Variants in TENM4 observed in about 807,000 individuals in gnomAD.
TENM4 encodes the protein teneurin-4.
Under a neutral mutation model 243.3 loss-of-function variants are expected in TENM4, and 82 were observed. That is an observed-to-expected ratio of 0.34 (90% CI 0.28 to 0.40). TENM4 has a LOEUF of 0.40. TENM4 is among the 10% of genes least tolerant of loss of function. TENM4 has a pLI of 1.00. For missense variants in TENM4, 3,138 were observed against 3,673.3 expected, an observed-to-expected ratio of 0.85 and a Z score of 3.77; for synonymous variants, 1,412 against 1,456.3, an observed-to-expected ratio of 0.97 and a Z score of 0.69.
At chr11:79,289,965 CTTTTTT>C (rs57943178) in intron 2 of TENM4, among the ~76,000 whole-genome samples, 8 of 150,320 alleles carry the variant, frequency 5.3e-5, no homozygotes, top group African/African-American at 2.0e-4. Flanking sequence ...TTTTCTTTTT[CTTTTTT>C]TTTAAGTAGA....
chr11:79,386,749 ATTT>A, intron 1 of TENM4, among the ~76,000 whole-genome samples: 1 of 109,956 alleles, frequency 9.1e-6, no homozygotes, highest in African/African-American at 3.1e-5. Context: ...CGTTGAGTTC[ATTT>A]TTTTTTTTTT....
intron 1 of TENM4, among the ~76,000 whole-genome samples, chr11:79,426,614 A>G (rs941580328): frequency 7.9e-5 from 12 of 152,244 alleles, no homozygotes; most frequent in Non-Finnish European, 1.3e-4. Flanking sequence ...TTATGGCTGG[A>G]AAGCAGAGCC....
chr11:79,336,000 A>T (rs1462188284), intron 1 of TENM4, among the ~76,000 whole-genome samples: 1 of 152,146 alleles, frequency 6.6e-6, no homozygotes, highest in African/African-American at 2.4e-5. Context: ...AAGCTCCCTG[A>T]GCAGTGTGCT....
intron 4 of TENM4, among the ~76,000 whole-genome samples, chr11:79,104,962 G>C (rs1359995277): frequency 6.6e-6 from 1 of 152,130 alleles, no homozygotes; most frequent in Non-Finnish European, 1.5e-5. Context: ...AGCCATTAGA[G>C]GTTTTAGTCA....
intron 1 of TENM4, among the ~76,000 whole-genome samples, chr11:79,408,393 A>G (rs1262142884): frequency 6.6e-6 from 1 of 152,228 alleles, no homozygotes; most frequent in Non-Finnish European, 1.5e-5. Context: ...GGGCTTTAGA[A>G]TTAGACAGAC....
chr11:78,782,788 G>A (rs1487905633), intron 16 of TENM4, among the ~76,000 whole-genome samples: 1 of 146,788 alleles, frequency 6.8e-6, no homozygotes, highest in East Asian at 2.0e-4. Context: ...AAAAAAAACT[G>A]GACAAAGCAC....
chr11:78,738,781 A>G (rs368681524), intron 19 of TENM4, among the ~76,000 whole-genome samples: 1 of 152,176 alleles, frequency 6.6e-6, no homozygotes, highest in African/African-American at 2.4e-5. Flanking sequence ...GAGAATTACT[A>G]TTGGCAGGTG....
chr11:79,417,458 T>G (rs1156229261), intron 1 of TENM4, among the ~76,000 whole-genome samples: 1 of 152,156 alleles, frequency 6.6e-6, no homozygotes, highest in South Asian at 2.1e-4. Context: ...ACAAGAGTGG[T>G]TGGTAAACAT....
At chr11:78,949,059 A>G (rs1857064482) in intron 6 of TENM4, among the ~76,000 whole-genome samples, 1 of 152,138 alleles carries the variant, frequency 6.6e-6, no homozygotes, top group South Asian at 2.1e-4. Context: ...TTCCCTTTGT[A>G]ATTAGTAAGT....
intron 4 of TENM4, among the ~76,000 whole-genome samples, chr11:79,111,273 C>T (rs566794550): frequency 9.5e-4 from 145 of 152,272 alleles, no homozygotes; most frequent in African/African-American, 3.4e-3. Flanking sequence ...TGGCCAGGCG[C>T]CGTGGCTCAC....
At chr11:78,739,711 G>A (rs1190966867) in intron 19 of TENM4, among the ~76,000 whole-genome samples, 3 of 152,132 alleles carry the variant, frequency 2.0e-5, no homozygotes, top group Non-Finnish European at 4.4e-5. Flanking sequence ...AAAGATCTAC[G>A]CTGGATGAAG....
At chr11:78,793,215 C>A (rs544686277) in intron 15 of TENM4, among the ~76,000 whole-genome samples, 1 of 152,130 alleles carries the variant, frequency 6.6e-6, no homozygotes, top group Non-Finnish European at 1.5e-5. Flanking sequence ...AATTTTCCCA[C>A]AAAATTTCTT....
At chr11:79,268,377 C>T (rs574356749) in intron 2 of TENM4, among the ~76,000 whole-genome samples, 1 of 152,148 alleles carries the variant, frequency 6.6e-6, no homozygotes, top group Non-Finnish European at 1.5e-5. Context: ...AGTTAACTGA[C>T]CCAAGTATAA....
chr11:78,829,012 G>A (rs1311086949), intron 12 of TENM4, among the ~76,000 whole-genome samples: 2 of 152,230 alleles, frequency 1.3e-5, no homozygotes, highest in African/African-American at 2.4e-5. Context: ...TGGGAGGTTT[G>A]GAAGTGGTTT....
chr11:78,902,989 A>ATC (rs1160198210), intron 7 of TENM4, among the ~76,000 whole-genome samples: 1 of 152,162 alleles, frequency 6.6e-6, no homozygotes, highest in African/African-American at 2.4e-5. Context: ...CATTGTGTAG[A>ATC]TAAGGGAAGA....
chr11:78,686,889 G>T (rs1034904133), intron 29 of TENM4, among the ~76,000 whole-genome samples: 5 of 152,100 alleles, frequency 3.3e-5, no homozygotes, highest in Non-Finnish European at 1.5e-5. Flanking sequence ...ACTAAATTTG[G>T]GAGTAAAAGT....
intron 4 of TENM4, among the ~76,000 whole-genome samples, chr11:79,111,660 TCCTTAATGGA>T (rs1223750224): frequency 6.6e-6 from 1 of 152,160 alleles, no homozygotes; most frequent in East Asian, 1.9e-4. Context: ...ACTGATATAC[TCCTTAATGGA>T]CCAGAACCTG....
chr11:79,109,330 G>A (rs1861448212), intron 4 of TENM4, among the ~76,000 whole-genome samples: 1 of 152,220 alleles, frequency 6.6e-6, no homozygotes, highest in Non-Finnish European at 1.5e-5. Context: ...GACAAGGCCT[G>A]ATAGCTGTGA....
At chr11:79,362,687 A>G (rs2135495625) in intron 1 of TENM4, among the ~76,000 whole-genome samples, 1 of 152,344 alleles carries the variant, frequency 6.6e-6, no homozygotes, top group Non-Finnish European at 1.5e-5. Flanking sequence ...AGCCAGACCT[A>G]GGTTCAAGTC....
Sources: gnomAD v4.1 joint callset for allele counts (sites outside exome capture counted in the v4.1 genomes callset) on GRCh38, gnomAD v4.1.1 for gene constraint, MANE v1.5 for transcripts, NCBI Gene and HGNC (gene_info 2026-07-23, HGNC 2026-07-21) for gene names.